The following PRKCH variants were observed in gnomAD, a reference collection of about 807,000 sequenced individuals.
PRKCH encodes protein kinase C eta type.
A neutral mutation model predicts 82.5 loss-of-function variants in PRKCH; 28 were observed. That is an observed-to-expected ratio of 0.34 (90% confidence interval 0.25 to 0.47). PRKCH has a LOEUF of 0.47. Among genes scored for constraint, PRKCH ranks in the 20% least tolerant of loss-of-function variants. PRKCH has a pLI of 1.00. For missense variants in PRKCH, 705 were observed against 881.8 expected (o/e 0.80, Z 2.54); for synonymous variants, 322 against 327.4 (o/e 0.98, Z 0.18).
At chr14:61,236,541 C>CT (rs1210453479) in intron 1 of PRKCH, among the ~76,000 whole-genome samples, 5 of 151,920 alleles carry the variant, frequency 3.3e-5, no homozygotes, top group Admixed American at 2.0e-4. Context: ...AACCCTGTCT[C>CT]TACTAGGAAT....
At chr14:61,530,372 A>G (rs778632759) in intron 11 of PRKCH, 35 bp from the exon 12 acceptor site, 5 of 1,474,416 alleles carry the variant, frequency 3.4e-6, no homozygotes, top group Non-Finnish European at 3.6e-6. Flanking sequence ...AATCTGATGT[A>G]TGAACCACCT....
chr14:61,431,612 A>C (rs928459045), intron 2 of PRKCH, among the ~76,000 whole-genome samples: 1 of 151,810 alleles, frequency 6.6e-6, no homozygotes, highest in African/African-American at 2.4e-5. Context: ...AGAGTGTTCT[A>C]GAATGCATGC....
chr14:61,359,104 G>A (rs1434825496), intron 1 of PRKCH, among the ~76,000 whole-genome samples: 1 of 152,126 alleles, frequency 6.6e-6, no homozygotes, highest in African/African-American at 2.4e-5. Context: ...TCATATTTTT[G>A]TGCCTAGCTG....
At chr14:61,477,164 G>T (rs748563887) in intron 9 of PRKCH, 4 of 152,170 alleles carry the variant, frequency 2.6e-5, no homozygotes, top group Non-Finnish European at 4.4e-5. Context: ...TCCCCCAGCC[G>T]TCAATAGCAC....
At chr14:61,439,653 G>C (rs556117974) in intron 2 of PRKCH, among the ~76,000 whole-genome samples, 5 of 149,004 alleles carry the variant, frequency 3.4e-5, no homozygotes, top group African/African-American at 7.7e-5. Context: ...GCACTCCCAG[G>C]CTGCTGTGGC....
intron 10 of PRKCH, among the ~76,000 whole-genome samples, chr14:61,513,970 G>A (rs2042784974): frequency 6.6e-6 from 1 of 152,106 alleles, no homozygotes; most frequent in Admixed American, 6.5e-5. Context: ...AAAGGTGACA[G>A]AGCTAAGACC....
At chr14:61,498,341 G>A (rs1886756027) in intron 10 of PRKCH, among the ~76,000 whole-genome samples, 1 of 152,112 alleles carries the variant, frequency 6.6e-6, no homozygotes, top group Non-Finnish European at 1.5e-5. Flanking sequence ...GTGATCTCAT[G>A]TGATACTATG....
intron 9 of PRKCH, among the ~76,000 whole-genome samples, chr14:61,481,710 C>A (rs1885981105): frequency 6.6e-6 from 1 of 152,224 alleles, no homozygotes; most frequent in Non-Finnish European, 1.5e-5. Context: ...AAAAAACTGA[C>A]TTCTGTCACT....
Position 61,236,151 on chromosome 14 carries a change from C to T in PRKCH, c.-19+48483C>T, listed in dbSNP as rs564811636. ...TTGGAAGGCCGAGGCGGGCAGATGACGTGAGGTCAGGAGTTTGAGACCAGC... is the reference window on the plus strand; with the variant it reads ...TTGGAAGGCCGAGGCGGGCAGATGATGTGAGGTCAGGAGTTTGAGACCAGC... On this transcript the variant is annotated intron_variant, in intron 1 of 3. Transcript: ENST00000555185. 3.4e-3 allele frequency among the ~76,000 whole-genome samples: 522 copies of T among 152,244 alleles called. 5 individuals carry two copies. Among genetic ancestry groups the T allele is most frequent in the Middle Eastern group, 0.014 (4 of 294 alleles).
intron 1 of PRKCH, among the ~76,000 whole-genome samples, chr14:61,383,052 G>A (rs916099278): frequency 2.0e-5 from 3 of 152,202 alleles, no homozygotes; most frequent in Non-Finnish European, 4.4e-5. Flanking sequence ...GCAAAGTGAT[G>A]CCAAGGAAAA....
intron 1 of PRKCH, among the ~76,000 whole-genome samples, chr14:61,326,152 A>G (rs2045693211): frequency 6.6e-6 from 1 of 152,256 alleles, no homozygotes. Flanking sequence ...ACGAGTGTTC[A>G]TAGCATCTTT....
chr14:61,261,438 C>T (rs1252606432), intron 1 of PRKCH, among the ~76,000 whole-genome samples: 1 of 152,198 alleles, frequency 6.6e-6, no homozygotes, highest in Admixed American at 6.5e-5. Context: ...CGGTCACCCA[C>T]CCATTCCCAA....
chr14:61,346,919 T>C (rs1214504400), intron 1 of PRKCH, among the ~76,000 whole-genome samples: 1 of 152,194 alleles, frequency 6.6e-6, no homozygotes, highest in Admixed American at 6.5e-5. Context: ...CACATCCATC[T>C]TTTCATTCCC....
intron 1 of PRKCH, among the ~76,000 whole-genome samples, chr14:61,236,778 C>T (rs2044793579): frequency 6.7e-6 from 1 of 149,482 alleles, no homozygotes; most frequent in Admixed American, 6.7e-5. Context: ...AAGATGGCCA[C>T]AAGAGTGACC....
At chr14:61,196,730 T>C (rs1371169702) in intron 1 of PRKCH, among the ~76,000 whole-genome samples, 1 of 152,202 alleles carries the variant, frequency 6.6e-6, no homozygotes, top group East Asian at 1.9e-4. Context: ...AGATAAACTA[T>C]GTTATAGTTA....
chr14:61,245,713 C>A (rs1172186581), intron 1 of PRKCH, among the ~76,000 whole-genome samples: 2 of 152,140 alleles, frequency 1.3e-5, no homozygotes, highest in African/African-American at 4.8e-5. Context: ...GAGAGCCCAT[C>A]TGAAGAGGCA....
At chr14:61,520,557 A>G (rs956076575) in intron 10 of PRKCH, among the ~76,000 whole-genome samples, 1 of 152,346 alleles carries the variant, frequency 6.6e-6, no homozygotes, top group South Asian at 2.1e-4. Context: ...AAAAATCAAA[A>G]AGATAAACAA....
intron 2 of PRKCH, among the ~76,000 whole-genome samples, chr14:61,439,798 G>T (rs1883870386): frequency 6.6e-6 from 1 of 152,186 alleles, no homozygotes; most frequent in Admixed American, 6.5e-5. Flanking sequence ...AAGGTGAAAA[G>T]GCAGGAGTGA....
chr14:61,547,069 A>G (rs1056283598), intron 12 of PRKCH, among the ~76,000 whole-genome samples: 10 of 152,232 alleles, frequency 6.6e-5, no homozygotes, highest in African/African-American at 2.2e-4. Context: ...TTTTTGGTCT[A>G]TGGAGCAATG....
Sources: gnomAD v4.1 joint callset for allele counts (sites outside exome capture counted in the v4.1 genomes callset) on GRCh38, gnomAD v4.1.1 for gene constraint, MANE v1.5 for transcripts, NCBI Gene and HGNC (gene_info 2026-07-23, HGNC 2026-07-21) for gene names.